Variants in SDK1 observed in about 807,000 individuals in gnomAD.
SDK1 encodes sidekick cell adhesion molecule 1, also known as protein sidekick-1.
Under a neutral mutation model 245.5 loss-of-function variants are expected in SDK1, and 157 were observed. That is an observed-to-expected ratio of 0.64 (90% CI 0.56 to 0.73). The LOEUF is 0.73. SDK1 is among the 30% of genes least tolerant of loss of function. The pLI is 0.00. For synonymous variants in SDK1, 1,647 were observed against 1,278.5 expected (o/e 1.29, Z -6.15); for missense variants, 3,583 against 3,002.3 (o/e 1.19, Z -4.52).
At chr7:3,579,993 C>T (rs1259444821) in intron 1 of SDK1, among the ~76,000 whole-genome samples, 1 of 152,044 alleles carries the variant, frequency 6.6e-6, no homozygotes, top group Non-Finnish European at 1.5e-5. Context: ...TCCTATACAC[C>T]AACAACATCC....
chr7:3,427,126 C>T (rs375866584), intron 1 of SDK1, among the ~76,000 whole-genome samples: 1 of 152,146 alleles, frequency 6.6e-6, no homozygotes, highest in Non-Finnish European at 1.5e-5. Flanking sequence ...CTCCAGTATT[C>T]CCATGACCTT....
intron 22 of SDK1, among the ~76,000 whole-genome samples, chr7:4,087,497 A>G (rs1781502186): frequency 6.6e-6 from 1 of 151,318 alleles, no homozygotes; most frequent in East Asian, 1.9e-4. Context: ...ACACACACAC[A>G]CGCATTGCTT....
At chr7:4,215,069 C>T (rs1784716248) in intron 38 of SDK1, among the ~76,000 whole-genome samples, 1 of 152,230 alleles carries the variant, frequency 6.6e-6, no homozygotes, top group Non-Finnish European at 1.5e-5. Flanking sequence ...GACCCTGGCG[C>T]TCGCCTGCCT....
At chr7:4,233,068 ATCTCCAGAACGC>A in intron 40 of SDK1, 175 bp from the exon 41 acceptor site, 1 of 569,910 alleles carries the variant, frequency 1.8e-6, no homozygotes, top group South Asian at 2.2e-5. Context: ...CACACCATTC[ATCTCCAGAACGC>A]TCTTCGACTT....
chr7:3,574,287 T>G (rs1211202610), intron 1 of SDK1, among the ~76,000 whole-genome samples: 1 of 151,888 alleles, frequency 6.6e-6, no homozygotes, highest in Non-Finnish European at 1.5e-5. Flanking sequence ...CAGCTAATTT[T>G]TTGTATTTTT....
In SDK1 at chr7:4,024,264, C is replaced by G. The variant is rs557251904; in HGVS notation, c.2602+6912C>G. ...GTTCACTTGGGCTTTGAAAGGTTTT[C>G]TAAAGTAAGGATTATAAATGAGCAC... On this transcript the variant is annotated intron_variant, in intron 17 of 44. Coordinates refer to ENST00000404826, the MANE Select transcript of SDK1 (RefSeq NM_152744.4). Among the ~76,000 whole-genome samples the G allele has an allele frequency of 5.3e-5, 8 of 152,280 alleles. No homozygotes were observed. In the South Asian group the frequency reaches 1.2e-3, roughly 24 times the overall value.
intron 4 of SDK1, among the ~76,000 whole-genome samples, chr7:3,798,487 G>C (rs1487216765): frequency 6.6e-6 from 1 of 152,096 alleles, no homozygotes; most frequent in Non-Finnish European, 1.5e-5. Flanking sequence ...AAAGTGCTGG[G>C]ATTACAGGTG....
intron 1 of SDK1, among the ~76,000 whole-genome samples, chr7:3,593,974 G>C (rs1233126585): frequency 6.6e-6 from 1 of 152,012 alleles, no homozygotes; most frequent in Non-Finnish European, 1.5e-5. Context: ...ACAGCCATAG[G>C]GTTCACCATT....
chr7:4,161,096 G>T (rs1781090471), intron 31 of SDK1, among the ~76,000 whole-genome samples: 1 of 152,190 alleles, frequency 6.6e-6, no homozygotes, highest in African/African-American at 2.4e-5. Flanking sequence ...TGCCAAGACA[G>T]GACCACACAG....
intron 1 of SDK1, among the ~76,000 whole-genome samples, chr7:3,509,618 C>G (rs983683584): frequency 1.6e-4 from 25 of 152,156 alleles, no homozygotes; most frequent in Non-Finnish European, 4.4e-5. Flanking sequence ...AGTAGCAGAG[C>G]TGGTCTGTCT....
At chr7:4,102,315 G>T (rs1351151235) in intron 22 of SDK1, among the ~76,000 whole-genome samples, 1 of 152,156 alleles carries the variant, frequency 6.6e-6, no homozygotes, top group East Asian at 1.9e-4. Flanking sequence ...GTGGGCACGG[G>T]GAGGAGCCGT....
At chr7:3,338,321 T>A in intron 1 of SDK1, 2 of 501,378 alleles carry the variant, frequency 4.0e-6, no homozygotes, top group Admixed American at 4.4e-5. Flanking sequence ...GAGTCTACGA[T>A]GTTACTCAGC....
intron 1 of SDK1, among the ~76,000 whole-genome samples, chr7:3,305,131 G>A (rs963805472): frequency 3.3e-5 from 5 of 152,288 alleles, no homozygotes; most frequent in Admixed American, 2.6e-4. Flanking sequence ...ACTCAACAGA[G>A]TACACTAGCT....
intron 1 of SDK1, among the ~76,000 whole-genome samples, chr7:3,577,329 C>T (rs1404643479): frequency 6.6e-6 from 1 of 152,066 alleles, no homozygotes; most frequent in Non-Finnish European, 1.5e-5. Flanking sequence ...GACAAGGAAA[C>T]AGAGACTTGA....
rs531064358 is a variant in SDK1, at chr7:3,803,705, T to C, written c.714-17745T>C. ...ATGTATGCTTTATCAAATTTGTGTTTTGCAGATATTTTCTTCCAGTTTGCA... is the reference window on the plus strand; with the variant it reads ...ATGTATGCTTTATCAAATTTGTGTTCTGCAGATATTTTCTTCCAGTTTGCA... On this transcript the variant is annotated intron_variant, in intron 4 of 44. Transcript: ENST00000404826. 2.6e-5 allele frequency among the ~76,000 whole-genome samples: 4 copies of C among 152,172 alleles called. No homozygotes were observed. The South Asian group carries it at 8.3e-4, about 32-fold the overall frequency.
chr7:3,893,328 A>G (rs1249399236), intron 5 of SDK1, among the ~76,000 whole-genome samples: 2 of 152,146 alleles, frequency 1.3e-5, no homozygotes, highest in Non-Finnish European at 2.9e-5. Context: ...GCTCCTGGTC[A>G]GGATGGCCGG....
chr7:4,261,660 A>G (rs945509500), intron 44 of SDK1, among the ~76,000 whole-genome samples: 11 of 152,218 alleles, frequency 7.2e-5, no homozygotes, highest in African/African-American at 2.2e-4. Flanking sequence ...AGCCACTCCC[A>G]GGAATCTGCT....
rs181104740 is a variant in SDK1, at chr7:4,252,506, C to T, written c.6381+6701C>T. Among the ~76,000 whole-genome samples, 34 of 152,056 alleles carry T rather than the reference C, an allele frequency of 2.2e-4. 1 individual carries two copies. The highest frequency in any genetic ancestry group is 6.8e-3 in the Middle Eastern group (2 of 294). The stretch of plus-strand genomic sequence containing the variant: ...AAGTCTTTGCTATTGTAAATAGTGC[C>T]GCAATAAACATACGTGTGTATAATC... On this transcript the variant is annotated intron_variant, in intron 44 of 44. Coordinates refer to ENST00000404826, the MANE Select transcript of SDK1 (RefSeq NM_152744.4).
intron 40 of SDK1, 31 bp from the exon 41 acceptor site, chr7:4,233,224 C>A (rs1445766102): frequency 6.2e-7 from 1 of 1,601,496 alleles, no homozygotes; most frequent in South Asian, 1.1e-5. Flanking sequence ...CACTTCTAAC[C>A]TCTGCTCTCG....
Sources: gnomAD v4.1 joint callset for allele counts (sites outside exome capture counted in the v4.1 genomes callset) on GRCh38, gnomAD v4.1.1 for gene constraint, MANE v1.5 for transcripts, NCBI Gene and HGNC (gene_info 2026-07-23, HGNC 2026-07-21) for gene names.